The following ABCC12 variants were observed in gnomAD, a reference collection of about 807,000 sequenced individuals.
ABCC12 encodes ATP binding cassette subfamily C member 12.
A neutral mutation model predicts 151.1 loss-of-function variants in ABCC12; 142 were observed. The ratio of observed to expected loss-of-function variants is 0.94; its 90% CI spans 0.82 to 1.08. The LOEUF is 1.08. Among genes scored for constraint, ABCC12 ranks in the 50% least tolerant of loss-of-function variants. The probability of loss-of-function intolerance (pLI) is 0.00; values close to 1 mark genes in which losing one functional copy is unlikely to be tolerated. For missense variants in ABCC12, 1,638 were observed against 1,691.1 expected, an observed-to-expected ratio of 0.97 and a Z score of 0.55; for synonymous variants, 645 against 646.4, an observed-to-expected ratio of 1.00 and a Z score of 0.03.
rs749500527 is a variant in ABCC12, at chr16:48,146,386, G to C, written c.39C>G (p.Asp13Glu). 1 of 1,614,164 alleles carries C rather than the reference G, an allele frequency of 6.2e-7. No homozygotes were observed. The highest frequency in any genetic ancestry group is 8.5e-7 in the Non-Finnish European group (1 of 1,180,020). The change falls in exon 3 of 31, where the codon GAC becomes GAG. Residue 13 changes from aspartate to glutamate, a missense_variant. Asp to Glu is a conservative substitution (Grantham distance 45). Coordinates refer to ENST00000311303, the MANE Select transcript of ABCC12 (RefSeq NM_001393797.1). ...CAAAGGATCTCCGCCGGCCTCGCTG[G>C]TCCAGATCTGAGATAAGGTAGGGTC... ...GEGPYLISDL[D>E]QRGRRRSFAE...
At chr16:48,106,634 G>A (rs1285868193) in intron 20 of ABCC12, among the ~76,000 whole-genome samples, 1 of 152,148 alleles carries the variant, frequency 6.6e-6, no homozygotes, top group East Asian at 1.9e-4. Flanking sequence ...TCTCCCCAGT[G>A]CCACCACCCT....
At chr16:48,123,762 A>T (rs1964147962) in intron 12 of ABCC12, among the ~76,000 whole-genome samples, 1 of 152,216 alleles carries the variant, frequency 6.6e-6, no homozygotes, top group South Asian at 2.1e-4. Context: ...CCCTCTTCCT[A>T]CCCCAAGGTT....
At chr16:48,118,270 C>T (rs980388312) in intron 13 of ABCC12, among the ~76,000 whole-genome samples, 15 of 152,186 alleles carry the variant, frequency 9.9e-5, no homozygotes, top group Admixed American at 2.6e-4. Context: ...ATGACAGATG[C>T]CCACACCCTC....
intron 10 of ABCC12, among the ~76,000 whole-genome samples, chr16:48,129,745 T>C (rs1327937898): frequency 1.3e-5 from 2 of 152,116 alleles, no homozygotes; most frequent in East Asian, 3.8e-4. Flanking sequence ...AGATGAGAGA[T>C]AATGGAAGCC....
chr16:48,097,061 C>T (rs1963125316), intron 23 of ABCC12, 159 bp from the exon 24 acceptor site: 1 of 794,306 alleles, frequency 1.3e-6, no homozygotes, highest in African/African-American at 1.7e-5. Context: ...CAAACTCTTA[C>T]AAAAATGAAC....
Position 48,081,079 on chromosome 16 carries a change from C to G in ABCC12, c.*2636G>C, listed in dbSNP as rs1296031992. 1.3e-5 allele frequency among the ~76,000 whole-genome samples: 2 copies of G among 152,106 alleles called. No individual in the cohort carries two copies. The highest frequency in any genetic ancestry group is 4.8e-5 in the African/African-American group (2 of 41,402). On this transcript the variant is annotated 3_prime_UTR_variant, in exon 31 of 31. Transcript: ENST00000311303. ...AGAGAGCCAATCCTATTCATGAGGT[C>G]TCCACCCTCATGACCTAATTAATCA...
At chr16:48,085,871 G>C (rs572530301) in intron 28 of ABCC12, among the ~76,000 whole-genome samples, 165 bp from the exon 29 acceptor site, 1 of 152,244 alleles carries the variant, frequency 6.6e-6, no homozygotes, top group South Asian at 2.1e-4. Flanking sequence ...ACAGGCACCA[G>C]GGAAAGACCA....
chr16:48,105,259 G>A lies in ABCC12; in HGVS notation c.2553C>T (p.Tyr851=). 1 of 1,614,040 alleles carries A rather than the reference G, an allele frequency of 6.2e-7. No individual in the cohort carries two copies. The highest frequency in any genetic ancestry group is 1.1e-5 in the South Asian group (1 of 91,068). Reference sequence around the variant, plus strand: ...CCATGCTTGCAGTGTACACCCACTGGTACACATGCTGACCGATGTCTGCCA... The same window carrying A: ...CCATGCTTGCAGTGTACACCCACTGATACACATGCTGACCGATGTCTGCCA... ...AVLADIGQHV[Y]QWVYTASMVF... Residue 851 remains tyrosine, a synonymous_variant, in exon 21 of 31, where the codon TAC becomes TAT. Coordinates refer to ENST00000311303, the MANE Select transcript of ABCC12 (RefSeq NM_001393797.1).
intron 18 of ABCC12, 107 bp from the exon 19 acceptor site, chr16:48,108,636 A>G: frequency 2.6e-6 from 2 of 774,546 alleles, no homozygotes; most frequent in South Asian, 3.3e-5. Context: ...GGGGGCTGTG[A>G]TGCATCCTTC....
At chr16:48,133,382 G>T (rs1398132466) in intron 9 of ABCC12, among the ~76,000 whole-genome samples, 1 of 152,054 alleles carries the variant, frequency 6.6e-6, no homozygotes. Flanking sequence ...AATTAGCCAG[G>T]TGTGGTGGTA....
At chr16:48,142,588 G>A (rs1964854350) in intron 4 of ABCC12, among the ~76,000 whole-genome samples, 1 of 152,180 alleles carries the variant, frequency 6.6e-6, no homozygotes, top group African/African-American at 2.4e-5. Context: ...TTTCTTCGGG[G>A]CACAGATGAG....
intron 2 of ABCC12, among the ~76,000 whole-genome samples, chr16:48,151,198 A>G (rs1008404937): frequency 6.6e-6 from 1 of 152,238 alleles, no homozygotes; most frequent in African/African-American, 2.4e-5. Flanking sequence ...TACCCTTAAT[A>G]TGATGGGGCA....
chr16:48,093,057 C>T (rs150887219), intron 24 of ABCC12, among the ~76,000 whole-genome samples: 189 of 152,214 alleles, frequency 1.2e-3, no homozygotes, highest in African/African-American at 4.2e-3. Context: ...GGACATTTGG[C>T]CATGTCTAGA....
At position 48,083,759 on chromosome 16, in the gene ABCC12, C is replaced by G. The variant is rs753242089; in HGVS notation, c.4036G>C (p.Asp1346His). ...GCTAGTAACATCGCAAATGCAGAAT[C>G]TGGCTTCTCTGCAAGGACTTCAGGC... Reference protein sequence around the residue: ...DKPEVLAEKPDSAFAMLLAAE... With the variant: ...DKPEVLAEKPHSAFAMLLAAE... Residue 1346 changes from aspartate (D) to histidine (H), a missense_variant, in exon 31 of 31, where the codon GAT becomes CAT. By Grantham distance (81) the Asp-to-His change is moderately conservative. Coordinates refer to ENST00000311303, the MANE Select transcript of ABCC12 (RefSeq NM_001393797.1). 1.1e-5 allele frequency: 18 copies of G among 1,614,112 alleles called. No individual in the cohort carries two copies. The highest frequency in any genetic ancestry group is 1.5e-5 in the Non-Finnish European group (18 of 1,180,050).
chr16:48,084,153 AAG>A, intron 29 of ABCC12, 80 bp from the exon 30 acceptor site: 6 of 1,380,512 alleles, frequency 4.3e-6, no homozygotes, highest in Non-Finnish European at 4.9e-6. Flanking sequence ...CTTTAAAAAA[AAG>A]AAGAAGAAGA....
intron 27 of ABCC12, chr16:48,087,390 C>T (rs1962663164): frequency 6.4e-6 from 1 of 155,898 alleles, no homozygotes; most frequent in Non-Finnish European, 1.4e-5. Context: ...AGAGAGCTAA[C>T]TGAGAAACTG....
Position 48,088,631 on chromosome 16 carries a change from C to T in ABCC12, c.3389G>A (p.Arg1130Lys). Reference sequence around the variant, plus strand: ...GTCGAGAACAAGGGGGGTGTTGTCTCTGTATCTCATCTGATAGTCTCTGAA... The same window carrying T: ...GTCGAGAACAAGGGGGGTGTTGTCTTTGTATCTCATCTGATAGTCTCTGAA... The part of the protein sequence containing the change: ...ITFRDYQMRY[R>K]DNTPLVLDSL... The change falls in exon 26 of 31, where the codon AGA becomes AAA. Residue 1130 changes from arginine (R) to lysine (K), a missense_variant. Physicochemically the swap from Arg to Lys is conservative, Grantham distance 26 (BLOSUM62 2). Transcript: ENST00000311303. 1 of 1,614,252 alleles carries T rather than the reference C, an allele frequency of 6.2e-7. No homozygotes were observed. The highest frequency in any genetic ancestry group is 8.5e-7 in the Non-Finnish European group (1 of 1,180,054).
At chr16:48,126,441 T>A (rs1056966300) in intron 11 of ABCC12, among the ~76,000 whole-genome samples, 4 of 152,098 alleles carry the variant, frequency 2.6e-5, no homozygotes, top group Admixed American at 6.6e-5. Context: ...CCATGGAGGA[T>A]CCAGTCTGAT....
rs373600471 is a variant in ABCC12 at position 48,113,685 on chromosome 16, G to T, written c.1989+1730C>A. On this transcript the variant is annotated intron_variant, in intron 15 of 30. Transcript: ENST00000311303. ...GACCAAGATCTTGTGCCACCTGGTG[G>T]CTACCTGCCTCTTCCAACTTGCAAA... Among the ~76,000 whole-genome samples the T allele has an allele frequency of 1.3e-4, 20 of 152,296 alleles. No individual in the cohort carries two copies. In the East Asian group the frequency reaches 1.9e-3, roughly 15 times the overall value.
Sources: allele counts gnomAD v4.1 joint callset (sites outside exome capture counted in the v4.1 genomes callset), GRCh38; gene constraint gnomAD v4.1.1; transcripts MANE v1.5; gene names NCBI Gene and HGNC (gene_info 2026-07-23, HGNC 2026-07-21).